Variants in OXR1 observed in about 807,000 individuals in gnomAD.
OXR1 encodes the protein oxidation resistance 1.
OXR1 carries 41 observed loss-of-function variants against 104.6 expected under a neutral mutation model. The observed-to-expected ratio is 0.39, with a 90% CI of 0.31 to 0.51. OXR1 has a LOEUF of 0.51. OXR1 is among the 20% of genes least tolerant of loss of function. The pLI, the probability that OXR1 is intolerant of heterozygous loss-of-function variation, is 0.77. For synonymous variants in OXR1, 348 were observed against 348.4 expected (o/e 1.00, Z 0.01); for missense variants, 955 against 1,031.9 (o/e 0.93, Z 1.02).
In OXR1 at chr8:106,525,579, T is replaced by C. The variant is rs926912860; in HGVS notation, c.220+6440T>C. On this transcript the variant is annotated intron_variant, in intron 3 of 16. Transcript: ENST00000517566. ...TTTAAAAGTCCTCTTTTATTACTTA[T>C]GCCACCTAAATGCTCTCTGCAACTT... 6.6e-5 allele frequency among the ~76,000 whole-genome samples: 10 copies of C among 152,352 alleles called. No individual in the cohort carries two copies. The East Asian group carries it at 1.3e-3, about 21-fold the overall frequency.
rs866502736 is a variant in OXR1 at position 106,406,861 on chromosome 8, C to T, written c.23+47225C>T. On this transcript the variant is annotated intron_variant, in intron 2 of 16. Coordinates refer to ENST00000517566, the MANE Select transcript of OXR1 (RefSeq NM_001198533.2). The stretch of plus-strand genomic sequence containing the variant: ...CTATGGGCTTTGGGTGATAATAGCA[C>T]GTCCATATAAATTTATCACTTGTAA... Among the ~76,000 whole-genome samples the T allele has an allele frequency of 1.4e-4, 21 of 152,206 alleles. No homozygotes were observed. The Middle Eastern group carries it at 0.01, about 74-fold the overall frequency.
At chr8:106,505,532 G>T (rs892298815) in intron 2 of OXR1, among the ~76,000 whole-genome samples, 8 of 152,156 alleles carry the variant, frequency 5.3e-5, no homozygotes, top group African/African-American at 1.9e-4. Context: ...AGAAGCAAAT[G>T]AGCAGAATGC....
At chr8:106,696,773 C>T (rs1279616159) in intron 7 of OXR1, among the ~76,000 whole-genome samples, 1 of 152,030 alleles carries the variant, frequency 6.6e-6, no homozygotes, top group African/African-American at 2.4e-5. Flanking sequence ...TCGACAAACT[C>T]ATCTTCCTCA....
intron 3 of OXR1, among the ~76,000 whole-genome samples, chr8:106,580,307 G>T (rs1043300933): frequency 6.6e-6 from 1 of 152,072 alleles, no homozygotes; most frequent in African/African-American, 2.4e-5. Context: ...CTATACCTAA[G>T]AAAAGTAGAA....
chr8:106,600,147 T>C (rs951432716), intron 3 of OXR1, among the ~76,000 whole-genome samples: 1 of 152,184 alleles, frequency 6.6e-6, no homozygotes, highest in African/African-American at 2.4e-5. Context: ...AGCAAACCCA[T>C]ATACTTATTT....
At chr8:106,647,408 G>T (rs1824174538) in intron 3 of OXR1, among the ~76,000 whole-genome samples, 2 of 152,050 alleles carry the variant, frequency 1.3e-5, no homozygotes, top group African/African-American at 4.8e-5. Flanking sequence ...CCTCTTTGTG[G>T]TCATTTGGGA....
chr8:106,702,704 T>C (rs891416185), intron 7 of OXR1, among the ~76,000 whole-genome samples: 2 of 152,168 alleles, frequency 1.3e-5, no homozygotes, highest in Non-Finnish European at 2.9e-5. Context: ...TGGGGAAATA[T>C]GATATTCTAC....
intron 2 of OXR1, among the ~76,000 whole-genome samples, chr8:106,466,552 A>G (rs1329387290): frequency 6.6e-6 from 1 of 151,848 alleles, no homozygotes; most frequent in Non-Finnish European, 1.5e-5. Flanking sequence ...TATAAACTTA[A>G]TTTATAAGAA....
intron 7 of OXR1, among the ~76,000 whole-genome samples, chr8:106,694,634 T>C (rs1167505665): frequency 2.0e-5 from 2 of 100,986 alleles, no homozygotes; most frequent in African/African-American, 4.6e-5. Context: ...GATATATAAA[T>C]ATATGTTTAT....
chr8:106,697,972 A>T, intron 7 of OXR1: 3 of 1,612,556 alleles, frequency 1.9e-6, no homozygotes, highest in Non-Finnish European at 1.7e-6. Context: ...CTTCTGCTGC[A>T]CCTCCTGGCT....
At chr8:106,677,760 CGTGTGT>C (rs144996062) in intron 3 of OXR1, among the ~76,000 whole-genome samples, 1 of 150,524 alleles carries the variant, frequency 6.6e-6, no homozygotes, top group African/African-American at 2.4e-5. Flanking sequence ...TATGCGCACG[CGTGTGT>C]GTGTGTGTGT....
At chr8:106,331,336 G>T (rs1188112145) in intron 1 of OXR1, among the ~76,000 whole-genome samples, 1 of 152,122 alleles carries the variant, frequency 6.6e-6, no homozygotes, top group Admixed American at 6.6e-5. Context: ...TGAAATGTTT[G>T]AAAAGTTGCT....
chr8:106,530,588 G>T (rs188174536), intron 3 of OXR1, among the ~76,000 whole-genome samples: 1 of 152,102 alleles, frequency 6.6e-6, no homozygotes, highest in Non-Finnish European at 1.5e-5. Context: ...AGACACAACT[G>T]GGGGGAGAAT....
At position 106,733,602 on chromosome 8, in the gene OXR1, A is replaced by AT. The variant is rs199764616; in HGVS notation, c.1957-3910dup. On this transcript the variant is annotated intron_variant, in intron 11 of 16. Coordinates refer to ENST00000517566, the MANE Select transcript of OXR1 (RefSeq NM_001198533.2). ...GGTTCCTCTAGAATTTGTAATACAC[A>AT]TTTTTTTTAGTATAGTTTACATGGT... is the stretch of plus-strand genomic sequence containing the variant. 5.5e-3 allele frequency among the ~76,000 whole-genome samples: 835 copies of AT among 151,756 alleles called. 8 individuals are homozygous for AT. The highest frequency in any genetic ancestry group is 0.019 in the African/African-American group (803 of 41,408).
At chr8:106,698,035 C>CGG (rs1463730471) in intron 7 of OXR1, 1 of 1,575,944 alleles carries the variant, frequency 6.3e-7, no homozygotes, top group African/African-American at 1.3e-5. Flanking sequence ...GCGGTGGCTG[C>CGG]GGGGAGCGTT....
At chr8:106,718,711 C>T (rs1238596383) in intron 11 of OXR1, among the ~76,000 whole-genome samples, 9 of 151,872 alleles carry the variant, frequency 5.9e-5, no homozygotes, top group East Asian at 3.9e-4. Context: ...TGGTGGCGGG[C>T]GCTTCTTGTT....
intron 10 of OXR1, among the ~76,000 whole-genome samples, chr8:106,711,387 T>G (rs143451515): frequency 6.6e-6 from 1 of 152,278 alleles, no homozygotes; most frequent in East Asian, 1.9e-4. Flanking sequence ...AAAATTACTT[T>G]AACAGTTAGA....
At chr8:106,523,511 G>A (rs1238760100) in intron 3 of OXR1, among the ~76,000 whole-genome samples, 1 of 151,942 alleles carries the variant, frequency 6.6e-6, no homozygotes, top group Admixed American at 6.5e-5. Flanking sequence ...CTTATAGAAT[G>A]GAATATTCTA....
At chr8:106,436,924 C>T (rs1164944963) in intron 2 of OXR1, among the ~76,000 whole-genome samples, 1 of 152,072 alleles carries the variant, frequency 6.6e-6, no homozygotes, top group Non-Finnish European at 1.5e-5. Flanking sequence ...AACTCAAACC[C>T]CAAAAGAAGA....
Sources: allele counts gnomAD v4.1 joint callset (sites outside exome capture counted in the v4.1 genomes callset), GRCh38; gene constraint gnomAD v4.1.1; transcripts MANE v1.5; gene names NCBI Gene and HGNC (gene_info 2026-07-23, HGNC 2026-07-21).